AUTS2: variants seen among roughly 807,000 people sequenced by gnomAD.
AUTS2 encodes autism susceptibility gene 2 protein.
A neutral mutation model predicts 112.4 loss-of-function variants in AUTS2; 17 were observed. That is an observed-to-expected ratio of 0.15 (90% confidence interval 0.10 to 0.23). AUTS2 has a LOEUF of 0.23. Among genes scored for constraint, AUTS2 ranks in the 10% least tolerant of loss-of-function variants. AUTS2 has a pLI of 1.00. For missense variants in AUTS2, 1,510 were observed against 1,701.6 expected, an observed-to-expected ratio of 0.89 and a Z score of 1.98; for synonymous variants, 751 against 702.7, an observed-to-expected ratio of 1.07 and a Z score of -1.09.
intron 1 of AUTS2, among the ~76,000 whole-genome samples, chr7:69,872,149 G>T (rs890005674): frequency 6.6e-6 from 1 of 152,194 alleles, no homozygotes; most frequent in Non-Finnish European, 1.5e-5. Flanking sequence ...GGCCCTGAGC[G>T]ATTGCACAGG....
At chr7:70,407,774 G>T (rs1468980788) in intron 4 of AUTS2, among the ~76,000 whole-genome samples, 1 of 151,960 alleles carries the variant, frequency 6.6e-6, no homozygotes, top group African/African-American at 2.4e-5. Context: ...CAAAAAATGG[G>T]CCGGGCGTGA....
chr7:70,206,994 T>G (rs1009832169), intron 4 of AUTS2, among the ~76,000 whole-genome samples: 2 of 152,214 alleles, frequency 1.3e-5, no homozygotes, highest in South Asian at 2.1e-4. Context: ...TTACATTACT[T>G]TGGCATAGGC....
At chr7:69,673,991 T>C (rs774867256) in intron 1 of AUTS2, among the ~76,000 whole-genome samples, 2 of 152,254 alleles carry the variant, frequency 1.3e-5, no homozygotes, top group Non-Finnish European at 2.9e-5. Context: ...TTTAAAAATA[T>C]TGCAAATATT....
At chr7:70,113,336 C>T (rs952530647) in intron 2 of AUTS2, among the ~76,000 whole-genome samples, 8 of 152,038 alleles carry the variant, frequency 5.3e-5, no homozygotes, top group Non-Finnish European at 7.4e-5. Context: ...ATCTGAAATA[C>T]GCTTTAAAAC....
At chr7:70,426,643 T>G (rs1180662533) in intron 4 of AUTS2, among the ~76,000 whole-genome samples, 1 of 152,214 alleles carries the variant, frequency 6.6e-6, no homozygotes, top group East Asian at 1.9e-4. Context: ...TCAATTCTGC[T>G]TGCCGTCTGC....
intron 6 of AUTS2, among the ~76,000 whole-genome samples, chr7:70,728,458 C>T (rs1006976315): frequency 6.6e-5 from 10 of 152,060 alleles, no homozygotes; most frequent in Admixed American, 6.5e-4. Context: ...CCTGTAATCT[C>T]AGCATTTTGG....
chr7:69,786,020 C>T (rs926067682), intron 1 of AUTS2, among the ~76,000 whole-genome samples: 5 of 152,074 alleles, frequency 3.3e-5, no homozygotes, highest in African/African-American at 1.2e-4. Context: ...TTAGTAGAAA[C>T]GGGGTTTCAT....
intron 2 of AUTS2, among the ~76,000 whole-genome samples, chr7:69,924,439 C>T (rs1795926891): frequency 6.6e-6 from 1 of 151,984 alleles, no homozygotes; most frequent in South Asian, 2.1e-4. Context: ...GTGATGCTGG[C>T]CTCATAGGAA....
At chr7:70,277,355 C>T (rs901659151) in intron 4 of AUTS2, among the ~76,000 whole-genome samples, 1 of 152,192 alleles carries the variant, frequency 6.6e-6, no homozygotes, top group South Asian at 2.1e-4. Context: ...ATGGACTTTC[C>T]CCAAGAAACC....
intron 5 of AUTS2, among the ~76,000 whole-genome samples, chr7:70,543,531 GAA>G (rs5884786): frequency 3.2e-4 from 36 of 113,406 alleles, no homozygotes; most frequent in Non-Finnish European, 3.2e-4. Flanking sequence ...TCCATCTTGG[GAA>G]AAAAAAAAAA....
chr7:70,377,615 T>A (rs1793173441), intron 4 of AUTS2, among the ~76,000 whole-genome samples: 1 of 151,578 alleles, frequency 6.6e-6, no homozygotes, highest in Non-Finnish European at 1.5e-5. Context: ...AACTCCATGT[T>A]CATTAAACAA....
intron 2 of AUTS2, among the ~76,000 whole-genome samples, chr7:70,079,562 AATCAGTATTCAAAATTC>A: frequency 6.6e-6 from 1 of 152,234 alleles, no homozygotes; most frequent in East Asian, 1.9e-4. Context: ...ACTTAATTGT[AATCAGTATTCAAAATTC>A]ATCACTTCCT....
chr7:69,946,836 G>A (rs997706427), intron 2 of AUTS2, among the ~76,000 whole-genome samples: 3 of 152,122 alleles, frequency 2.0e-5, no homozygotes, highest in Non-Finnish European at 2.9e-5. Flanking sequence ...TAGAAGCAAC[G>A]TGTGTTTTGT....
At chr7:69,682,928 C>T (rs574464316) in intron 1 of AUTS2, among the ~76,000 whole-genome samples, 1 of 152,288 alleles carries the variant, frequency 6.6e-6, no homozygotes, top group Non-Finnish European at 1.5e-5. Context: ...TCTGGAGAAA[C>T]ACCCAGGGTC....
chr7:70,382,661 C>T (rs1433477865), intron 4 of AUTS2, among the ~76,000 whole-genome samples: 1 of 152,176 alleles, frequency 6.6e-6, no homozygotes, highest in Non-Finnish European at 1.5e-5. Flanking sequence ...TATCTGGACT[C>T]ATTATGCAGC....
intron 1 of AUTS2, among the ~76,000 whole-genome samples, chr7:69,817,299 C>G (rs775902231): frequency 1.2e-4 from 18 of 152,258 alleles, no homozygotes; most frequent in Admixed American, 7.8e-4. Context: ...ACTCGGCTCT[C>G]TAGCAGCTCA....
chr7:70,481,827 T>C (rs954032925), intron 5 of AUTS2, among the ~76,000 whole-genome samples: 6 of 152,204 alleles, frequency 3.9e-5, no homozygotes, highest in Non-Finnish European at 8.8e-5. Context: ...CTTAGGGGTC[T>C]GAAAAATCAT....
chr7:70,422,477 C>T (rs1437033316), intron 4 of AUTS2, among the ~76,000 whole-genome samples: 4 of 152,076 alleles, frequency 2.6e-5, no homozygotes, highest in Admixed American at 6.6e-5. Context: ...ACTGTCACCT[C>T]AAAATTATAT....
chr7:70,561,918 G>A (rs1339870472), intron 5 of AUTS2, among the ~76,000 whole-genome samples: 1 of 152,124 alleles, frequency 6.6e-6, no homozygotes, highest in South Asian at 2.1e-4. Context: ...TGGGCGCTGG[G>A]AGGTGTTTGG....
Sources: gnomAD v4.1 joint callset for allele counts (sites outside exome capture counted in the v4.1 genomes callset) on GRCh38, gnomAD v4.1.1 for gene constraint, MANE v1.5 for transcripts, NCBI Gene and HGNC (gene_info 2026-07-23, HGNC 2026-07-21) for gene names.